Variants in CUEDC1 observed in about 807,000 individuals in gnomAD.
CUEDC1 encodes CUE domain-containing protein 1.
Under a neutral mutation model 43.7 loss-of-function variants are expected in CUEDC1, and 30 were observed. The observed-to-expected ratio is 0.69, with a 90% CI of 0.51 to 0.93. The LOEUF is 0.93. CUEDC1 is among the 40% of genes least tolerant of loss of function. The probability of loss-of-function intolerance (pLI) is 0.00; values close to 1 mark genes in which losing one functional copy is unlikely to be tolerated. For missense variants in CUEDC1, 486 were observed against 549.0 expected, an observed-to-expected ratio of 0.89 and a Z score of 1.15; for synonymous variants, 223 against 223.6, an observed-to-expected ratio of 1.00 and a Z score of 0.02.
chr17:57,924,379 T>C (rs985592196), intron 1 of CUEDC1, among the ~76,000 whole-genome samples: 27 of 152,264 alleles, frequency 1.8e-4, no homozygotes, highest in African/African-American at 5.1e-4. Flanking sequence ...GCTGGGATTA[T>C]AGGCGTGAGC....
chr17:57,919,479 T>C (rs1046373614), intron 1 of CUEDC1, among the ~76,000 whole-genome samples: 1 of 152,270 alleles, frequency 6.6e-6, no homozygotes, highest in Middle Eastern at 3.4e-3. Flanking sequence ...GCGATATATG[T>C]CAATTTTTTA....
chr17:57,937,290 G>A (rs2074871668), intron 1 of CUEDC1, among the ~76,000 whole-genome samples: 1 of 152,114 alleles, frequency 6.6e-6, no homozygotes, highest in Non-Finnish European at 1.5e-5. Context: ...TCACAAATGA[G>A]GAAACTAAAA....
chr17:57,884,507 CTT>C (rs527619419), intron 2 of CUEDC1, among the ~76,000 whole-genome samples: 1 of 152,286 alleles, frequency 6.6e-6, no homozygotes, highest in Non-Finnish European at 1.5e-5. Flanking sequence ...CAGCCGCACT[CTT>C]TTTCTCAGCG....
chr17:57,862,521 G>A lies in CUEDC1; in HGVS notation c.*768C>T, dbSNP rs1356689648. The A allele has an allele frequency of 6.6e-6, 1 of 152,542 alleles. No individual in the cohort carries two copies. Among genetic ancestry groups the A allele is most frequent in the Non-Finnish European group, 1.5e-5 (1 of 68,298 alleles). The allele number at this position is 152,542 out of a possible 1,614,324, so 9.4% of individuals were successfully genotyped here. On this transcript the variant is annotated 3_prime_UTR_variant, in exon 11 of 11. Coordinates refer to ENST00000577830, the MANE Select transcript of CUEDC1 (RefSeq NM_001271875.2). ...GACCCTGCCTCCCCAGAGTCCTCCAGCTCCAGGGTGGCCACCCTCCCCATC... is the reference window on the plus strand; with the variant it reads ...GACCCTGCCTCCCCAGAGTCCTCCAACTCCAGGGTGGCCACCCTCCCCATC...
intron 3 of CUEDC1, among the ~76,000 whole-genome samples, chr17:57,878,734 T>C (rs2074163955): frequency 1.3e-5 from 2 of 152,154 alleles, no homozygotes; most frequent in East Asian, 3.9e-4. Flanking sequence ...TGGCACCATC[T>C]TGGCTCACTG....
chr17:57,901,169 A>T (rs2074467678), intron 1 of CUEDC1, among the ~76,000 whole-genome samples: 1 of 152,222 alleles, frequency 6.6e-6, no homozygotes, highest in Admixed American at 6.5e-5. Flanking sequence ...GTGACCTCGG[A>T]CACATCATTT....
At chr17:57,869,074 C>T in intron 7 of CUEDC1, 48 bp downstream of exon 7, 1 of 1,598,534 alleles carries the variant, frequency 6.3e-7, no homozygotes, top group Non-Finnish European at 8.6e-7. Flanking sequence ...GCCACAGGGC[C>T]TGTCTCAGAA....
chr17:57,926,312 A>G (rs2074746985), intron 1 of CUEDC1, among the ~76,000 whole-genome samples: 1 of 152,084 alleles, frequency 6.6e-6, no homozygotes, highest in Admixed American at 6.6e-5. Context: ...GAGGACCGAA[A>G]AAGGCCCACA....
At chr17:57,889,245 A>G (rs2074330737) in intron 1 of CUEDC1, among the ~76,000 whole-genome samples, 1 of 152,204 alleles carries the variant, frequency 6.6e-6, no homozygotes, top group Non-Finnish European at 1.5e-5. Flanking sequence ...TTGAGTTATC[A>G]TTGCCCCAGG....
intron 1 of CUEDC1, among the ~76,000 whole-genome samples, chr17:57,904,567 C>T (rs1043700214): frequency 6.6e-6 from 1 of 152,188 alleles, no homozygotes; most frequent in Admixed American, 6.5e-5. Flanking sequence ...TCCTTAGTTC[C>T]CCGGGAATGG....
chr17:57,889,250 C>T (rs1176460487), intron 1 of CUEDC1, among the ~76,000 whole-genome samples: 3 of 152,154 alleles, frequency 2.0e-5, no homozygotes, highest in Admixed American at 1.3e-4. Flanking sequence ...TTATCATTGC[C>T]CCAGGAGGCT....
intron 1 of CUEDC1, among the ~76,000 whole-genome samples, chr17:57,952,476 C>G (rs139033612): frequency 6.6e-6 from 1 of 152,142 alleles, no homozygotes; most frequent in African/African-American, 2.4e-5. Context: ...ATCCACCCCC[C>G]TCGGCCTCCC....
At chr17:57,909,916 G>A (rs907125941) in intron 1 of CUEDC1, among the ~76,000 whole-genome samples, 1 of 152,226 alleles carries the variant, frequency 6.6e-6, no homozygotes, top group African/African-American at 2.4e-5. Context: ...GAACCCAACG[G>A]TCAGGCTGAG....
chr17:57,894,204 C>T lies in CUEDC1; in HGVS notation c.-315-8325G>A, dbSNP rs534376637. 2.3e-3 allele frequency among the ~76,000 whole-genome samples: 356 copies of T among 152,336 alleles called. 4 individuals are homozygous for T. The highest frequency in any genetic ancestry group is 1.4e-3 in the Non-Finnish European group (97 of 68,016). On this transcript the variant is annotated intron_variant, in intron 1 of 10. Transcript: ENST00000577830. The stretch of plus-strand genomic sequence containing the variant: ...GAAGCAGGACACCTGGTTTCCATGC[C>T]CACACAGCAGAGCTGCCGGCAGGGG...
rs1489017283 is a variant in CUEDC1, at chr17:57,885,731, T to A, written c.-167A>T. On this transcript the variant is annotated 5_prime_UTR_variant, in exon 2 of 11. An upstream open reading frame in the 5' UTR loses its in-frame stop. Transcript: ENST00000577830. The stretch of plus-strand genomic sequence containing the variant: ...CAATGGGCTGCCAAGAGCTCCGGGT[T>A]AGGAGAGTACGGGCGCGGGGCCCCA... 8.6e-7 allele frequency: 1 copy of A among 1,168,928 alleles called. No individual in the cohort carries two copies. The highest frequency in any genetic ancestry group is 1.1e-6 in the Non-Finnish European group (1 of 915,268). The allele number at this position is 1,168,928 out of a possible 1,614,324, so 72.4% of individuals were successfully genotyped here. A position where few individuals can be genotyped will look rare whatever the true frequency, so the allele number is the denominator to read the frequency against.
At chr17:57,897,644 T>C (rs943883224) in intron 1 of CUEDC1, among the ~76,000 whole-genome samples, 9 of 136,314 alleles carry the variant, frequency 6.6e-5, no homozygotes, top group African/African-American at 2.3e-4. Context: ...CACTCCAGCC[T>C]GGTCTCAATG....
rs901271625 is a variant in CUEDC1, at chr17:57,955,144, C to T, written c.-316+81G>A. 23 of 147,566 alleles carry T rather than the reference C, an allele frequency of 1.6e-4. No individual in the cohort carries two copies. Among genetic ancestry groups the T allele is most frequent in the African/African-American group, 5.6e-4 (23 of 40,880 alleles). 9.1% of individuals were successfully genotyped at this position (147,566 alleles called of 1,614,324 possible). A position where few individuals can be genotyped will look rare whatever the true frequency, so the allele number is the denominator to read the frequency against. On this transcript the variant is annotated intron_variant, in intron 1 of 10. Coordinates refer to ENST00000577830, the MANE Select transcript of CUEDC1 (RefSeq NM_001271875.2). This position sits in a 1 kb window ranked among gnomAD's most constrained non-coding sequence, Gnocchi z 5.3. The stretch of plus-strand genomic sequence containing the variant: ...GAAGGTGGGGCCGCTGGGCCGGGGC[C>T]GCGGCCGGGATTGCGCGCGGGGCGC...
In CUEDC1 at chr17:57,930,355, C is replaced by T. The variant is rs1213604785; in HGVS notation, c.-316+24870G>A. 6.6e-6 allele frequency among the ~76,000 whole-genome samples: 1 copy of T among 152,226 alleles called. No individual in the cohort carries two copies. The highest frequency in any genetic ancestry group is 1.5e-5 in the Non-Finnish European group (1 of 68,044). Reference sequence around the variant, plus strand: ...GCAAAGGCTCACCAGTTAGCACTGGCTGTGAGGAGGCCAGAAGGTAGCCCT... The same window carrying T: ...GCAAAGGCTCACCAGTTAGCACTGGTTGTGAGGAGGCCAGAAGGTAGCCCT... On this transcript the variant is annotated intron_variant, in intron 1 of 10. Coordinates refer to ENST00000577830, the MANE Select transcript of CUEDC1 (RefSeq NM_001271875.2). The surrounding 1 kb of genome is among the most constrained non-coding windows in gnomAD (Gnocchi z 4.2).
At chr17:57,880,093 G>A (rs146610194) in intron 2 of CUEDC1, among the ~76,000 whole-genome samples, 273 of 152,268 alleles carry the variant, frequency 1.8e-3, no homozygotes, top group African/African-American at 6.2e-3. Flanking sequence ...GTAAGGGTGG[G>A]AACAGATACC....
Sources: gnomAD v4.1 joint callset for allele counts (sites outside exome capture counted in the v4.1 genomes callset) on GRCh38, gnomAD v4.1.1 for gene constraint, Gnocchi (gnomAD v3.1) non-coding constraint, MANE v1.5 for transcripts, NCBI Gene and HGNC (gene_info 2026-07-23, HGNC 2026-07-21) for gene names.